Variants in MIA2 observed in about 807,000 individuals in gnomAD.
The protein encoded by MIA2 is MIA SH3 domain ER export factor 2.
MIA2 carries 127 observed loss-of-function variants against 167.8 expected under a neutral mutation model. That is an observed-to-expected ratio of 0.76 (90% CI 0.66 to 0.88). The LOEUF is 0.88. Among genes scored for constraint, MIA2 ranks in the 40% least tolerant of loss-of-function variants. MIA2 has a pLI of 0.00. For missense variants in MIA2, 1,690 were observed against 1,624.7 expected, an observed-to-expected ratio of 1.04 and a Z score of -0.69; for synonymous variants, 552 against 541.9, an observed-to-expected ratio of 1.02 and a Z score of -0.26.
At chr14:39,320,336 G>A (rs552154959) in intron 23 of MIA2, among the ~76,000 whole-genome samples, 2 of 152,300 alleles carry the variant, frequency 1.3e-5, no homozygotes, top group South Asian at 4.1e-4. Flanking sequence ...TGTCTTGGCT[G>A]TATAGATTAT....
At chr14:39,312,594 G>A (rs1309494339) in intron 18 of MIA2, among the ~76,000 whole-genome samples, 2 of 152,186 alleles carry the variant, frequency 1.3e-5, no homozygotes, top group Non-Finnish European at 2.9e-5. Context: ...ATGATAGTAT[G>A]TGAAATGAAA....
chr14:39,248,049 T>A lies in MIA2; in HGVS notation c.1475T>A (p.Ile492Asn). ...CAGATACTGGATCAAAATAATGTAA[T>A]TGAAAATGAAGAAACTGGAGAATTT... ...PKQILDQNNV[I>N]ENEETGEFSI... Residue 492 changes from isoleucine to asparagine, a missense_variant, in exon 4 of 29, where the codon ATT (isoleucine) becomes AAT (asparagine). Transcript: ENST00000640607. 1.3e-6 allele frequency: 2 copies of A among 1,566,436 alleles called. No individual in the cohort carries two copies. Among genetic ancestry groups the A allele is most frequent in the Non-Finnish European group, 8.6e-7 (1 of 1,165,312 alleles).
chr14:39,348,389 T>C (rs973439004), intron 27 of MIA2, among the ~76,000 whole-genome samples: 3 of 152,200 alleles, frequency 2.0e-5, no homozygotes, highest in Non-Finnish European at 4.4e-5. Context: ...TATTAAGATA[T>C]TGATTTTTGG....
At chr14:39,307,463 G>C (rs1203315931) in intron 17 of MIA2, among the ~76,000 whole-genome samples, 1 of 139,438 alleles carries the variant, frequency 7.2e-6, no homozygotes, top group Non-Finnish European at 1.5e-5. Context: ...GTGCAGTGGC[G>C]TGATCTTGGC....
Position 39,240,167 on chromosome 14 carries a change from T to C in MIA2, c.250-394T>C, listed in dbSNP as rs554929830. Among the ~76,000 whole-genome samples the C allele has an allele frequency of 4.1e-4, 63 of 152,338 alleles. No individual in the cohort carries two copies. In the South Asian group the frequency reaches 8.1e-3, roughly 20 times the overall value. Reference sequence around the variant, plus strand: ...GTCTGATTTTAACATCCTGAAAACATTGAATATGTCACTACTCCATCTAGC... The same window carrying C: ...GTCTGATTTTAACATCCTGAAAACACTGAATATGTCACTACTCCATCTAGC... On this transcript the variant is annotated intron_variant, in intron 2 of 28. Transcript: ENST00000640607.
intron 6 of MIA2, among the ~76,000 whole-genome samples, chr14:39,262,143 A>T (rs1375892951): frequency 6.6e-6 from 1 of 152,212 alleles, no homozygotes; most frequent in East Asian, 1.9e-4. Flanking sequence ...TTAAGTCTTT[A>T]ATCCATCTTG....
intron 6 of MIA2, among the ~76,000 whole-genome samples, chr14:39,260,876 A>G (rs1459650780): frequency 6.6e-6 from 1 of 152,108 alleles, no homozygotes; most frequent in African/African-American, 2.4e-5. Context: ...TCTTGAGTTA[A>G]TTTTTGTATA....
At chr14:39,267,540 G>C (rs889127210) in intron 6 of MIA2, 2 of 1,612,754 alleles carry the variant, frequency 1.2e-6, no homozygotes, top group African/African-American at 1.3e-5. Flanking sequence ...CAGGCGCGAT[G>C]AGTGTTACGT....
chr14:39,274,489 C>T (rs548606377), intron 6 of MIA2, among the ~76,000 whole-genome samples: 63 of 146,364 alleles, frequency 4.3e-4, no homozygotes, highest in Admixed American at 1.5e-3. Flanking sequence ...AGTGCAGTGG[C>T]GTGTTCTTGG....
rs11847294 is a variant in MIA2, at chr14:39,372,301, G to T, written c.2249-14584G>T. Among the ~76,000 whole-genome samples the T allele has an allele frequency of 1.2e-3, 180 of 151,274 alleles. 1 individual carries two copies. The highest frequency in any genetic ancestry group is 4.3e-3 in the African/African-American group (179 of 41,304). On this transcript the variant is annotated intron_variant, in intron 23 of 23. Coordinates refer to the MIA2 transcript ENST00000341502. ...TATTGACTCAGTTTTGTGTGAAAAC[G>T]TAAAAAAAAAAGTTGATGCAGGATA...
intron 23 of MIA2, among the ~76,000 whole-genome samples, chr14:39,375,073 T>G (rs1399295864): frequency 6.6e-6 from 1 of 151,238 alleles, no homozygotes; most frequent in Non-Finnish European, 1.5e-5. Flanking sequence ...AAAGGAAATG[T>G]GTAATCAGGA....
At chr14:39,375,380 T>C (rs2075025267) in intron 23 of MIA2, among the ~76,000 whole-genome samples, 1 of 152,132 alleles carries the variant, frequency 6.6e-6, no homozygotes, top group African/African-American at 2.4e-5. Context: ...TTTAGAAACG[T>C]TGTAAAATGA....
chr14:39,248,775 T>C (rs2054423275), intron 4 of MIA2, among the ~76,000 whole-genome samples: 1 of 152,118 alleles, frequency 6.6e-6, no homozygotes, highest in Non-Finnish European at 1.5e-5. Flanking sequence ...GGTCTCACTT[T>C]ATCGTCTAAG....
chr14:39,366,762 G>A (rs761476363), intron 23 of MIA2, among the ~76,000 whole-genome samples: 5 of 152,168 alleles, frequency 3.3e-5, no homozygotes, highest in East Asian at 3.9e-4. Context: ...ATTGTGGTGA[G>A]TGGAGAGAGC....
downstream of MIA2, among the ~76,000 whole-genome samples, chr14:39,353,397 A>G (rs962993908): frequency 6.6e-6 from 1 of 152,128 alleles, no homozygotes; most frequent in Admixed American, 6.5e-5. Flanking sequence ...CTCTGTGTAC[A>G]TGAGATTAAG....
chr14:39,267,578 G>T, intron 6 of MIA2: 1 of 1,599,166 alleles, frequency 6.3e-7, no homozygotes, highest in Non-Finnish European at 8.5e-7. Context: ...AGCCGCCGGG[G>T]GAAGGAAGCA....
chr14:39,265,392 G>A (rs543490889), intron 6 of MIA2: 22 of 1,608,888 alleles, frequency 1.4e-5, no homozygotes, highest in Non-Finnish European at 1.9e-5. Context: ...AGCTTTTCAA[G>A]AAATGGAATT....
chr14:39,357,072 T>G (rs575766577), intron 23 of MIA2, among the ~76,000 whole-genome samples: 1 of 152,348 alleles, frequency 6.6e-6, no homozygotes, highest in Admixed American at 6.5e-5. Flanking sequence ...TTAGGTCCAC[T>G]TGGTGCAGAG....
intron 10 of MIA2, among the ~76,000 whole-genome samples, chr14:39,291,369 G>T (rs539941849): frequency 6.6e-6 from 1 of 152,228 alleles, no homozygotes; most frequent in South Asian, 2.1e-4. Flanking sequence ...TAGAAACTTC[G>T]TTCTATTATT....
Sources: gnomAD v4.1 joint callset for allele counts (sites outside exome capture counted in the v4.1 genomes callset) on GRCh38, gnomAD v4.1.1 for gene constraint, MANE v1.5 for transcripts, NCBI Gene and HGNC (gene_info 2026-07-23, HGNC 2026-07-21) for gene names.